Variants in ANK1 observed in about 807,000 individuals in gnomAD.
ANK1 encodes the protein ankyrin 1.
In ANK1, 51 loss-of-function variants were observed where a neutral mutation model predicts 210.4. That is an observed-to-expected ratio of 0.24 (90% CI 0.19 to 0.31). The LOEUF is 0.31. Ranked by LOEUF, ANK1 falls within the 10% of genes least tolerant of loss-of-function variation. ANK1 has a pLI of 1.00. For synonymous variants in ANK1, 967 were observed against 1,025.9 expected (o/e 0.94, Z 1.10); for missense variants, 2,051 against 2,504.4 (o/e 0.82, Z 3.86).
At chr8:41,723,301 C>T in intron 8 of ANK1, 78 bp from the exon 9 acceptor site, 2 of 1,476,734 alleles carry the variant, frequency 1.4e-6, no homozygotes, top group Admixed American at 1.7e-5. Context: ...CTGCCTATGG[C>T]ATCATCCCAG....
chr8:41,717,568 C>CT, intron 12 of ANK1, 36 bp downstream of exon 12: 1 of 1,530,178 alleles, frequency 6.5e-7, no homozygotes, highest in East Asian at 2.4e-5. Context: ...AGCTCTTGGT[C>CT]TAGGGGAGCA....
At chr8:41,673,894 G>C (rs1008468922) in intron 37 of ANK1, among the ~76,000 whole-genome samples, 4 of 152,218 alleles carry the variant, frequency 2.6e-5, no homozygotes, top group Non-Finnish European at 2.9e-5. Context: ...CAGCTGGAAA[G>C]CCCACAGAGC....
chr8:41,711,562 G>A (rs1183487781), intron 16 of ANK1, among the ~76,000 whole-genome samples: 1 of 152,182 alleles, frequency 6.6e-6, no homozygotes, highest in Non-Finnish European at 1.5e-5. Flanking sequence ...CCAGGACCCT[G>A]GTGAACAGAC....
chr8:41,761,040 G>T (rs1413944120), intron 1 of ANK1, among the ~76,000 whole-genome samples: 1 of 152,002 alleles, frequency 6.6e-6, no homozygotes, highest in Non-Finnish European at 1.5e-5. Flanking sequence ...ATCTTGAGAC[G>T]AGATCATCCT....
chr8:41,656,598 G>A (rs570502968), intron 42 of ANK1, among the ~76,000 whole-genome samples: 1 of 152,344 alleles, frequency 6.6e-6, no homozygotes, highest in East Asian at 1.9e-4. Flanking sequence ...TTCAAGACCA[G>A]CCACTCATGT....
intron 1 of ANK1, among the ~76,000 whole-genome samples, chr8:41,792,907 A>C (rs1302198690): frequency 6.6e-6 from 1 of 152,236 alleles, no homozygotes; most frequent in African/African-American, 2.4e-5. Context: ...CCAACATTTA[A>C]TGAGCATCTA....
chr8:41,772,156 C>T (rs13258053), intron 1 of ANK1, among the ~76,000 whole-genome samples: 15,742 of 152,248 alleles, frequency 0.1, 898 homozygotes, highest in South Asian at 0.14. Context: ...CTTAACCCTC[C>T]TATGCAATCA....
At chr8:41,853,240 A>AT (rs1190456629) in intron 1 of ANK1, among the ~76,000 whole-genome samples, 1 of 152,236 alleles carries the variant, frequency 6.6e-6, no homozygotes, top group Admixed American at 6.5e-5. Context: ...TTTCTTCCTG[A>AT]TACTGACATG....
rs184396189 is a variant in ANK1 at position 41,789,503 on chromosome 8, C to T, written c.27+8009G>A. 1.7e-3 allele frequency among the ~76,000 whole-genome samples: 258 copies of T among 152,322 alleles called. 1 individual carries two copies. The highest frequency in any genetic ancestry group is 6.8e-3 in the Middle Eastern group (2 of 294). On this transcript the variant is annotated intron_variant, in intron 1 of 42. Transcript: ENST00000289734. ...GTTTGGAGGTCAGGCACTCTGGCTG[C>T]GGTGCCCACAAGCTGGACCATGTGC... is the stretch of plus-strand genomic sequence containing the variant.
intron 1 of ANK1, among the ~76,000 whole-genome samples, chr8:41,812,583 C>T (rs113196157): frequency 1.3e-5 from 2 of 152,160 alleles, no homozygotes; most frequent in African/African-American, 4.8e-5. Flanking sequence ...ATTTCCTTGA[C>T]AAAAAGACAG....
intron 1 of ANK1, among the ~76,000 whole-genome samples, chr8:41,856,464 C>CAGT (rs1812194378): frequency 6.6e-6 from 1 of 152,180 alleles, no homozygotes; most frequent in Non-Finnish European, 1.5e-5. Context: ...ATTCGAATCC[C>CAGT]AGTTCTTCAT....
intron 3 of ANK1, among the ~76,000 whole-genome samples, chr8:41,729,833 G>A (rs887373036): frequency 3.3e-5 from 5 of 152,112 alleles, no homozygotes; most frequent in Admixed American, 2.0e-4. Context: ...GCCTCTGGGG[G>A]TGGACTCCCC....
chr8:41,815,578 A>C (rs1349297904), intron 1 of ANK1, among the ~76,000 whole-genome samples: 1 of 152,098 alleles, frequency 6.6e-6, no homozygotes, highest in African/African-American at 2.4e-5. Context: ...AACTAGACAA[A>C]GTTATTTTCC....
At chr8:41,850,350 A>T (rs1811011301) in intron 1 of ANK1, among the ~76,000 whole-genome samples, 1 of 152,192 alleles carries the variant, frequency 6.6e-6, no homozygotes, top group Non-Finnish European at 1.5e-5. Flanking sequence ...ATAAAAATTT[A>T]AAATCAAAAG....
chr8:41,862,058 G>C (rs1813370066), intron 1 of ANK1, among the ~76,000 whole-genome samples: 1 of 152,152 alleles, frequency 6.6e-6, no homozygotes, highest in Admixed American at 6.5e-5. Flanking sequence ...TAGGTGACTT[G>C]GAACTGGAAC....
rs139547739 is a variant in ANK1 at position 41,860,278 on chromosome 8, T to C, written c.126+36077A>G. Among the ~76,000 whole-genome samples the C allele has an allele frequency of 1.1e-4, 17 of 152,292 alleles. No homozygotes were observed. The East Asian group carries it at 3.1e-3, about 28-fold the overall frequency. ...GCTGGACAGTCCTGCTTGGCCCAGATGCGGCCTCCAAGCAAGCAGTGAGGT... is the reference window on the plus strand; with the variant it reads ...GCTGGACAGTCCTGCTTGGCCCAGACGCGGCCTCCAAGCAAGCAGTGAGGT... On this transcript the variant is annotated intron_variant, in intron 1 of 42. Coordinates refer to the ANK1 transcript ENST00000265709.
chr8:41,694,906 C>T lies in ANK1; in HGVS notation c.3116-103G>A. The T allele has an allele frequency of 7.9e-7, 1 of 1,273,354 alleles. No individual in the cohort carries two copies. The highest frequency in any genetic ancestry group is 1.1e-6 in the Non-Finnish European group (1 of 892,044). The allele number at this position is 1,273,354 out of a possible 1,614,324, so 78.9% of individuals were successfully genotyped here. On this transcript the variant is annotated intron_variant, in intron 27 of 42. Transcript: ENST00000289734. This position sits in a 1 kb window ranked among gnomAD's most constrained non-coding sequence, Gnocchi z 5.7. Reference sequence around the variant, plus strand: ...TTGTCCCCAAGACCCAGTGCACACACCCTCCCCAGGTGCCGGGCGGCATAG... The same window carrying T: ...TTGTCCCCAAGACCCAGTGCACACATCCTCCCCAGGTGCCGGGCGGCATAG...
chr8:41,728,808 G>A (rs1333443055), intron 3 of ANK1, among the ~76,000 whole-genome samples: 6 of 152,224 alleles, frequency 3.9e-5, no homozygotes, highest in African/African-American at 9.6e-5. Flanking sequence ...TGCTGTGTGC[G>A]TGCAGCGTCC....
intron 1 of ANK1, among the ~76,000 whole-genome samples, chr8:41,777,377 C>T (rs146771351): frequency 0.021 from 3,190 of 152,178 alleles, 113 homozygotes; most frequent in African/African-American, 0.073. Flanking sequence ...GAGTTCGAGA[C>T]CAGCCTGGCC....
Sources: gnomAD v4.1 joint callset for allele counts (sites outside exome capture counted in the v4.1 genomes callset) on GRCh38, gnomAD v4.1.1 for gene constraint, Gnocchi (gnomAD v3.1) non-coding constraint, MANE v1.5 for transcripts, NCBI Gene and HGNC (gene_info 2026-07-23, HGNC 2026-07-21) for gene names.